The following GNG7 variants were observed in gnomAD, a reference collection of about 807,000 sequenced individuals.
The protein encoded by GNG7 is guanine nucleotide-binding protein G(I)/G(S)/G(O) subunit gamma-7.
A neutral mutation model predicts 4.0 loss-of-function variants in GNG7; 1 was observed. That is an observed-to-expected ratio of 0.25 (90% CI 0.09 to 1.18). The LOEUF (loss-of-function observed/expected upper bound fraction) is 1.18, where lower values mean the gene tolerates loss of function less well. Ranked by LOEUF, GNG7 falls within the 50% of genes most tolerant of loss-of-function variation. GNG7 has a pLI of 0.50. For missense variants in GNG7, 86 were observed against 91.9 expected, an observed-to-expected ratio of 0.94 and a Z score of 0.26; for synonymous variants, 34 against 36.9, an observed-to-expected ratio of 0.92 and a Z score of 0.29.
At position 2,618,081 on chromosome 19, in the gene GNG7, C is replaced by T. The variant is rs975473000; in HGVS notation, c.-78+28143G>A. The stretch of plus-strand genomic sequence containing the variant: ...ATGTGCTGTCTCTGTGTGACACATG[C>T]TCCCTGAGAACAGGACTTGATTCCA... On this transcript the variant is annotated intron_variant, in intron 2 of 4. Transcript: ENST00000382159. This position sits in a 1 kb window ranked among gnomAD's most constrained non-coding sequence, Gnocchi z 5.1. Among the ~76,000 whole-genome samples, 2 of 152,174 alleles carry T rather than the reference C, an allele frequency of 1.3e-5. No individual in the cohort carries two copies. Among genetic ancestry groups the T allele is most frequent in the Admixed American group, 6.5e-5 (1 of 15,274 alleles).
At chr19:2,635,364 A>G (rs920529944) in intron 2 of GNG7, among the ~76,000 whole-genome samples, 4 of 151,972 alleles carry the variant, frequency 2.6e-5, no homozygotes, top group African/African-American at 9.7e-5. Flanking sequence ...AATTTGAGGG[A>G]AAAAAAAGTA....
At chr19:2,552,836 CA>C (rs1188767269) in intron 3 of GNG7, among the ~76,000 whole-genome samples, 10 of 119,924 alleles carry the variant, frequency 8.3e-5, no homozygotes, top group Admixed American at 3.8e-4. Context: ...GTCCCCAAAC[CA>C]TCCTCCCGGC....
chr19:2,566,487 A>C (rs1979913054), intron 2 of GNG7, among the ~76,000 whole-genome samples: 1 of 152,180 alleles, frequency 6.6e-6, no homozygotes, highest in Admixed American at 6.6e-5. Context: ...GCACCCCATG[A>C]AACTCACACA....
At chr19:2,697,348 G>A (rs933763685) in intron 1 of GNG7, among the ~76,000 whole-genome samples, 1 of 152,156 alleles carries the variant, frequency 6.6e-6, no homozygotes, top group African/African-American at 2.4e-5. Flanking sequence ...GAGCCGATGT[G>A]GGGGAGCAAC....
At position 2,530,230 on chromosome 19, in the gene GNG7, T is replaced by C. The variant is rs972660621; in HGVS notation, c.-37-9505A>G. On this transcript the variant is annotated intron_variant, in intron 3 of 4. Coordinates refer to ENST00000382159, the MANE Select transcript of GNG7 (RefSeq NM_052847.3). ...GAGTTTGAGACCAGCCTGGCCAACA[T>C]GGTGAAACCCCATCTCTGCTAAAAA... Among the ~76,000 whole-genome samples, 5 of 151,480 alleles carry C rather than the reference T, an allele frequency of 3.3e-5. No homozygotes were observed. The East Asian group carries it at 7.7e-4, about 23-fold the overall frequency.
chr19:2,535,415 G>A (rs182117106), intron 3 of GNG7, among the ~76,000 whole-genome samples: 32 of 151,600 alleles, frequency 2.1e-4, no homozygotes, highest in African/African-American at 6.3e-4. Flanking sequence ...TGGGAGAATC[G>A]CTTGAGCCCA....
chr19:2,541,097 CCA>C (rs1323351757), intron 3 of GNG7, among the ~76,000 whole-genome samples: 1 of 152,238 alleles, frequency 6.6e-6, no homozygotes, highest in Non-Finnish European at 1.5e-5. Context: ...GGCCTGGCGG[CCA>C]GAGAGGCGAG....
intron 2 of GNG7, among the ~76,000 whole-genome samples, chr19:2,591,451 G>GC (rs1170924141): frequency 2.0e-5 from 2 of 99,938 alleles, no homozygotes; most frequent in Admixed American, 1.6e-4. Flanking sequence ...TGAAAATAAA[G>GC]GGTTTTTTTT....
intron 2 of GNG7, among the ~76,000 whole-genome samples, chr19:2,556,854 C>T (rs1304427347): frequency 6.6e-6 from 1 of 152,140 alleles, no homozygotes; most frequent in African/African-American, 2.4e-5. Context: ...TCCCTGGCAT[C>T]CACCTGCTCC....
chr19:2,596,561 C>T (rs117200542), intron 2 of GNG7, among the ~76,000 whole-genome samples: 3,140 of 151,724 alleles, frequency 0.021, 44 homozygotes, highest in South Asian at 0.039. Flanking sequence ...CCCAGCTACT[C>T]AGGAGGTTGA....
intron 2 of GNG7, among the ~76,000 whole-genome samples, chr19:2,568,461 C>CAT (rs1555694531): frequency 4.0e-5 from 6 of 151,026 alleles, no homozygotes; most frequent in Admixed American, 6.6e-5. Context: ...TATACATACA[C>CAT]ACACACATGC....
At chr19:2,606,694 T>TA (rs1475469087) in intron 2 of GNG7, among the ~76,000 whole-genome samples, 95 of 147,338 alleles carry the variant, frequency 6.4e-4, no homozygotes, top group Admixed American at 6.3e-3. Context: ...TTAATTAATT[T>TA]AAAAAAAAAG....
chr19:2,538,939 T>C (rs559111395), intron 3 of GNG7, among the ~76,000 whole-genome samples: 1 of 151,222 alleles, frequency 6.6e-6, no homozygotes, highest in Non-Finnish European at 1.5e-5. Context: ...CGGCTAATTT[T>C]TTTTTGTATT....
At chr19:2,526,681 AT>A (rs1360913191) in intron 3 of GNG7, among the ~76,000 whole-genome samples, 1 of 149,566 alleles carries the variant, frequency 6.7e-6, no homozygotes, top group African/African-American at 2.4e-5. Context: ...CATTTACATA[AT>A]TTATACATTA....
rs1423184311 is a variant in GNG7 at position 2,692,635 on chromosome 19, G to A, written c.-135+10011C>T. ...GGGCGACAGAGTGAGACTCCATCTC[G>A]AAAAAAAAAAAAAAGAAGGCCAGGG... On this transcript the variant is annotated intron_variant, in intron 1 of 4. Transcript: ENST00000382159. Among the ~76,000 whole-genome samples, 917 of 119,802 alleles carry A rather than the reference G, an allele frequency of 7.7e-3. 18 individuals carry two copies. The highest frequency in any genetic ancestry group is 0.026 in the African/African-American group (851 of 32,980). The allele number at this position is 119,802 out of a possible 152,430, so 78.6% of individuals were successfully genotyped here.
At chr19:2,559,115 A>G (rs1198808789) in intron 2 of GNG7, among the ~76,000 whole-genome samples, 1 of 149,818 alleles carries the variant, frequency 6.7e-6, no homozygotes, top group Non-Finnish European at 1.5e-5. Context: ...TATTCCTTTC[A>G]TAGTCACAAA....
chr19:2,631,704 A>C (rs935224443), intron 2 of GNG7, among the ~76,000 whole-genome samples: 1 of 152,196 alleles, frequency 6.6e-6, no homozygotes, highest in Non-Finnish European at 1.5e-5. Flanking sequence ...TTATAAAAAC[A>C]GGAAGTGGAG....
intron 1 of GNG7, among the ~76,000 whole-genome samples, chr19:2,651,507 GTCTC>G (rs1366251715): frequency 3.7e-5 from 5 of 135,498 alleles, no homozygotes; most frequent in African/African-American, 1.1e-4. Context: ...GTCTTCCTTT[GTCTC>G]TCTCTTTCCT....
At chr19:2,688,753 G>C (rs951346599) in intron 1 of GNG7, among the ~76,000 whole-genome samples, 22 of 152,080 alleles carry the variant, frequency 1.4e-4, no homozygotes, top group African/African-American at 4.6e-4. Flanking sequence ...TTTGAATAAA[G>C]TGTGGAGTTG....
Sources: allele counts gnomAD v4.1 joint callset (sites outside exome capture counted in the v4.1 genomes callset), GRCh38; gene constraint gnomAD v4.1.1; non-coding constraint Gnocchi (gnomAD v3.1); transcripts MANE v1.5; gene names NCBI Gene and HGNC (gene_info 2026-07-23, HGNC 2026-07-21).